Variants in ADTRP observed in about 807,000 individuals in gnomAD.
The protein encoded by ADTRP is androgen dependent TFPI regulating protein, also known as androgen-dependent TFPI-regulating protein.
In ADTRP, 20 loss-of-function variants were observed where a neutral mutation model predicts 27.0. The observed-to-expected ratio is 0.74, with a 90% CI of 0.52 to 1.08. The LOEUF is 1.08. Among genes scored for constraint, ADTRP ranks in the 50% least tolerant of loss-of-function variants. The pLI, the probability that ADTRP is intolerant of heterozygous loss-of-function variation, is 0.00. For synonymous variants in ADTRP, 101 were observed against 105.2 expected, an observed-to-expected ratio of 0.96 and a Z score of 0.25; for missense variants, 251 against 275.0, an observed-to-expected ratio of 0.91 and a Z score of 0.62.
At chr6:11,720,557 C>T (rs938361492) in intron 5 of ADTRP, among the ~76,000 whole-genome samples, 4 of 151,772 alleles carry the variant, frequency 2.6e-5, no homozygotes, top group South Asian at 2.1e-4. Context: ...CTGCAAGCTC[C>T]GCCTCCTGGT....
At chr6:11,718,010 AG>A (rs1761888852) in intron 5 of ADTRP, among the ~76,000 whole-genome samples, 1 of 152,262 alleles carries the variant, frequency 6.6e-6, no homozygotes, top group Non-Finnish European at 1.5e-5. Context: ...TAAAACAAGG[AG>A]GTGGATTAGA....
intron 3 of ADTRP, among the ~76,000 whole-genome samples, chr6:11,754,183 T>C (rs1336150690): frequency 6.6e-6 from 1 of 152,234 alleles, no homozygotes; most frequent in Non-Finnish European, 1.5e-5. Flanking sequence ...GTCTCTCACA[T>C]GGCTTAACAT....
intron 4 of ADTRP, among the ~76,000 whole-genome samples, chr6:11,729,626 T>G: frequency 6.6e-6 from 1 of 152,180 alleles, no homozygotes; most frequent in South Asian, 2.1e-4. Context: ...CCATCTTTCT[T>G]GAGACTGCAG....
At chr6:11,756,566 T>C (rs554846974) in intron 3 of ADTRP, among the ~76,000 whole-genome samples, 13 of 152,258 alleles carry the variant, frequency 8.5e-5, no homozygotes, top group Admixed American at 5.9e-4. Flanking sequence ...AATCTACAAT[T>C]ATCTCAAAAA....
chr6:11,720,009 G>A (rs1037290616), intron 5 of ADTRP, among the ~76,000 whole-genome samples: 1 of 152,296 alleles, frequency 6.6e-6, no homozygotes, highest in African/African-American at 2.4e-5. Flanking sequence ...AGAAAGCTGG[G>A]GCACAGAGAC....
intron 2 of ADTRP, 52 bp downstream of exon 2, chr6:11,768,197 T>A: frequency 1.3e-6 from 2 of 1,597,140 alleles, no homozygotes. Context: ...AGGAGAAGCG[T>A]CTGTCCATAT....
chr6:11,751,869 T>C (rs906029554), intron 3 of ADTRP, among the ~76,000 whole-genome samples: 1 of 152,226 alleles, frequency 6.6e-6, no homozygotes, highest in Non-Finnish European at 1.5e-5. Context: ...GAGCTATTAT[T>C]CCATCCCTGG....
chr6:11,725,393 T>C (rs771854584), intron 4 of ADTRP, among the ~76,000 whole-genome samples: 3 of 152,116 alleles, frequency 2.0e-5, no homozygotes, highest in Non-Finnish European at 4.4e-5. Flanking sequence ...ACAGAGAAGA[T>C]ACATAAAAGG....
intron 3 of ADTRP, among the ~76,000 whole-genome samples, chr6:11,742,944 T>C (rs1010252142): frequency 3.3e-5 from 5 of 152,272 alleles, no homozygotes; most frequent in Non-Finnish European, 7.3e-5. Context: ...ATTACCACTG[T>C]TGATAACACA....
At chr6:11,765,448 C>G (rs1469142426) in intron 3 of ADTRP, among the ~76,000 whole-genome samples, 1 of 151,436 alleles carries the variant, frequency 6.6e-6, no homozygotes, top group Non-Finnish European at 1.5e-5. Context: ...CTGCCTCAGC[C>G]TCCTGTGTAG....
intron 3 of ADTRP, among the ~76,000 whole-genome samples, chr6:11,748,617 A>G (rs955656677): frequency 6.6e-6 from 1 of 152,228 alleles, no homozygotes; most frequent in African/African-American, 2.4e-5. Context: ...GAAAACAAAC[A>G]GGAATCTAGG....
Position 11,714,496 on chromosome 6 carries a change from T to C in ADTRP, c.675A>G (p.Pro225=). 1 of 1,613,794 alleles carries C rather than the reference T, an allele frequency of 6.2e-7. No homozygotes were observed. The highest frequency in any genetic ancestry group is 8.5e-7 in the Non-Finnish European group (1 of 1,179,920). The part of the protein sequence containing the change: ...NHWKWGDMRQ[P]RKKRK ...TGTGCAATTACTTCCTCTTCTTCCG[T>C]GGCTGCCTCATGTCACCTGTACAAA... The change falls in exon 6 of 6, where the codon CCA becomes CCG. Residue 225 remains proline, a synonymous_variant. Coordinates refer to ENST00000414691, the MANE Select transcript of ADTRP (RefSeq NM_032744.4).
intron 4 of ADTRP, among the ~76,000 whole-genome samples, chr6:11,728,806 C>T (rs548105511): frequency 8.0e-4 from 122 of 152,248 alleles, no homozygotes; most frequent in African/African-American, 2.6e-3. Flanking sequence ...CTGCTATGGA[C>T]GGCTCTCAGT....
At chr6:11,731,459 C>G (rs1762377032) in intron 4 of ADTRP, among the ~76,000 whole-genome samples, 4 of 152,202 alleles carry the variant, frequency 2.6e-5, no homozygotes, top group Admixed American at 2.0e-4. Context: ...ATTTTCTATA[C>G]TATGTCCAAC....
At chr6:11,759,787 C>G (rs1459484710) in intron 3 of ADTRP, among the ~76,000 whole-genome samples, 1 of 152,104 alleles carries the variant, frequency 6.6e-6, no homozygotes, top group African/African-American at 2.4e-5. Flanking sequence ...AAGAGGCTAT[C>G]TTGAGTCATC....
chr6:11,733,636 C>T lies in ADTRP; in HGVS notation c.506+1932G>A, dbSNP rs185433788. On this transcript the variant is annotated intron_variant, in intron 4 of 5. Transcript: ENST00000414691. ...CCACTGTCTGTTATGCTCCTCTTTC[C>T]CGGACAGCCTCTAAAGGTAGCAGGT... 2.4e-4 allele frequency among the ~76,000 whole-genome samples: 37 copies of T among 152,344 alleles called. 2 individuals carry two copies. In the East Asian group the frequency reaches 6.9e-3, roughly 29 times the overall value.
rs172403 is a variant in ADTRP, at chr6:11,734,105, A to G, written c.506+1463T>C. On this transcript the variant is annotated intron_variant, in intron 4 of 5. Coordinates refer to ENST00000414691, the MANE Select transcript of ADTRP (RefSeq NM_032744.4). The stretch of plus-strand genomic sequence containing the variant: ...ATACAGCATACAAATTCATGTGTAT[A>G]ATCAGCTAGATTCCACTTTGCTTCT... Among the ~76,000 whole-genome samples the G allele has an allele frequency of 6.2e-3, 951 of 152,342 alleles. 28 individuals carry two copies. Among genetic ancestry groups the G allele is most frequent in the Admixed American group, 0.045 (681 of 15,300 alleles).
chr6:11,778,176 G>A (rs1361384797), intron 1 of ADTRP, among the ~76,000 whole-genome samples: 1 of 152,226 alleles, frequency 6.6e-6, no homozygotes, highest in Non-Finnish European at 1.5e-5. Context: ...GTCTGTGTGT[G>A]CTGTAAAATG....
chr6:11,768,150 G>C, intron 2 of ADTRP, 99 bp downstream of exon 2: 1 of 1,461,514 alleles, frequency 6.8e-7, no homozygotes, highest in Non-Finnish European at 9.3e-7. Context: ...AGTGGGTGTG[G>C]TTTCCAATTA....
Sources: allele counts gnomAD v4.1 joint callset (sites outside exome capture counted in the v4.1 genomes callset), GRCh38; gene constraint gnomAD v4.1.1; transcripts MANE v1.5; gene names NCBI Gene and HGNC (gene_info 2026-07-23, HGNC 2026-07-21).